Variants in AUTS2 observed in about 807,000 individuals in gnomAD.
AUTS2 encodes activator of transcription and developmental regulator AUTS2, also known as autism susceptibility gene 2 protein.
In AUTS2, 17 loss-of-function variants were observed where a neutral mutation model predicts 112.4. The ratio of observed to expected loss-of-function variants is 0.15; its 90% CI spans 0.10 to 0.23. AUTS2 has a LOEUF of 0.23. AUTS2 is among the 10% of genes least tolerant of loss of function. AUTS2 has a pLI of 1.00. For synonymous variants in AUTS2, 751 were observed against 702.7 expected (o/e 1.07, Z -1.09); for missense variants, 1,510 against 1,701.6 (o/e 0.89, Z 1.98).
chr7:69,863,290 C>A (rs1418698825), intron 1 of AUTS2, among the ~76,000 whole-genome samples: 1 of 152,114 alleles, frequency 6.6e-6, no homozygotes, highest in Non-Finnish European at 1.5e-5. Flanking sequence ...CATTTACATA[C>A]CATTTAAATT....
chr7:69,874,452 T>C (rs1025187251), intron 1 of AUTS2, among the ~76,000 whole-genome samples: 1 of 152,186 alleles, frequency 6.6e-6, no homozygotes, highest in African/African-American at 2.4e-5. Flanking sequence ...AGTGGCATGC[T>C]TAAACTTGCA....
intron 5 of AUTS2, among the ~76,000 whole-genome samples, chr7:70,539,739 C>T (rs1034709161): frequency 2.6e-5 from 4 of 152,114 alleles, no homozygotes; most frequent in African/African-American, 9.7e-5. Flanking sequence ...ACATAATGGG[C>T]GTCTGTGGGA....
intron 1 of AUTS2, among the ~76,000 whole-genome samples, chr7:69,771,309 G>A (rs1011911469): frequency 6.6e-5 from 10 of 152,198 alleles, no homozygotes; most frequent in African/African-American, 2.4e-4. Flanking sequence ...AAAGGGGAGT[G>A]GTGAGAAAGT....
At chr7:70,163,581 C>T (rs1808230623) in intron 4 of AUTS2, among the ~76,000 whole-genome samples, 1 of 152,068 alleles carries the variant, frequency 6.6e-6, no homozygotes, top group East Asian at 1.9e-4. Flanking sequence ...CTATGAATCT[C>T]CCCCTGCTTT....
At chr7:70,767,918 T>G in intron 9 of AUTS2, 106 bp from the exon 10 acceptor site, 1 of 1,040,616 alleles carries the variant, frequency 9.6e-7, no homozygotes, top group Non-Finnish European at 1.5e-6. Context: ...GGTTATGGGG[T>G]CTCATGACAG....
At chr7:70,528,386 A>T (rs1799944633) in intron 5 of AUTS2, among the ~76,000 whole-genome samples, 1 of 152,126 alleles carries the variant, frequency 6.6e-6, no homozygotes, top group Non-Finnish European at 1.5e-5. Context: ...GGAAGTACTG[A>T]CTCTGACTTC....
chr7:70,370,640 A>G (rs191328526), intron 4 of AUTS2, among the ~76,000 whole-genome samples: 3 of 152,324 alleles, frequency 2.0e-5, no homozygotes, highest in African/African-American at 7.2e-5. Flanking sequence ...TGCTGTTACA[A>G]ACATTCATGT....
chr7:70,569,160 T>G (rs2129525038), intron 5 of AUTS2, among the ~76,000 whole-genome samples: 1 of 152,262 alleles, frequency 6.6e-6, no homozygotes, highest in South Asian at 2.1e-4. Flanking sequence ...AGCCTCTTAT[T>G]TTATCACTCT....
chr7:70,184,349 G>A (rs888599464), intron 4 of AUTS2, among the ~76,000 whole-genome samples: 2 of 152,152 alleles, frequency 1.3e-5, no homozygotes, highest in Non-Finnish European at 2.9e-5. Flanking sequence ...TTTCCTGGGA[G>A]TTTCATCCTC....
intron 4 of AUTS2, chr7:70,290,336 A>G (rs931068573): frequency 6.8e-7 from 1 of 1,464,546 alleles, no homozygotes; most frequent in Non-Finnish European, 9.0e-7. Flanking sequence ...CATTCTTTTG[A>G]ATCATTTGAG....
chr7:69,655,388 G>T (rs201256981), intron 1 of AUTS2, among the ~76,000 whole-genome samples: 76 of 12,920 alleles, frequency 5.9e-3, no homozygotes, highest in African/African-American at 0.024. Flanking sequence ...CTAGTTTTTT[G>T]TTGTTGTTGT....
chr7:70,490,886 TAA>T (rs1798203072), intron 5 of AUTS2, among the ~76,000 whole-genome samples: 5 of 152,198 alleles, frequency 3.3e-5, no homozygotes, highest in Admixed American at 3.3e-4. Context: ...TTTAAAAGAT[TAA>T]GTCTGAATAT....
intron 1 of AUTS2, among the ~76,000 whole-genome samples, chr7:69,804,811 A>G (rs939974587): frequency 2.0e-5 from 3 of 152,200 alleles, no homozygotes; most frequent in East Asian, 1.9e-4. Context: ...AAGCAGCAAT[A>G]TCATCATCAT....
intron 5 of AUTS2, among the ~76,000 whole-genome samples, chr7:70,509,587 G>A (rs778127012): frequency 1.3e-5 from 2 of 152,158 alleles, no homozygotes; most frequent in East Asian, 1.9e-4. Flanking sequence ...CTGCCTGTCT[G>A]GCCCACGGTA....
At chr7:70,571,002 A>T (rs1423785369) in intron 5 of AUTS2, among the ~76,000 whole-genome samples, 1 of 152,162 alleles carries the variant, frequency 6.6e-6, no homozygotes, top group Non-Finnish European at 1.5e-5. Context: ...TGCCTTTGCT[A>T]TTCCTCCACC....
At chr7:70,216,374 ATT>A (rs780769639) in intron 4 of AUTS2, among the ~76,000 whole-genome samples, 2 of 152,166 alleles carry the variant, frequency 1.3e-5, no homozygotes, top group Admixed American at 6.5e-5. Flanking sequence ...TAATTAAATC[ATT>A]TCACTCCATT....
intron 2 of AUTS2, among the ~76,000 whole-genome samples, chr7:70,013,689 T>G (rs1327476757): frequency 1.3e-5 from 2 of 152,032 alleles, no homozygotes; most frequent in Admixed American, 1.3e-4. Context: ...CACTTTGGAG[T>G]TTCCTCTCTA....
intron 5 of AUTS2, among the ~76,000 whole-genome samples, chr7:70,606,071 C>T (rs1803742241): frequency 6.6e-6 from 1 of 152,298 alleles, no homozygotes; most frequent in South Asian, 2.1e-4. Flanking sequence ...TGCTATATGT[C>T]CAGAGTGCCC....
chr7:70,738,446 A>G (rs1284234603), intron 6 of AUTS2, among the ~76,000 whole-genome samples: 2 of 146,502 alleles, frequency 1.4e-5, no homozygotes, highest in African/African-American at 5.1e-5. Flanking sequence ...TTTTGGACAT[A>G]TGACAAATGT....
Sources: gnomAD v4.1 joint callset for allele counts (sites outside exome capture counted in the v4.1 genomes callset) on GRCh38, gnomAD v4.1.1 for gene constraint, MANE v1.5 for transcripts, NCBI Gene and HGNC (gene_info 2026-07-23, HGNC 2026-07-21) for gene names.